The following HIKESHI variants were observed in gnomAD, a reference collection of about 807,000 sequenced individuals.
The protein encoded by HIKESHI is protein Hikeshi.
A neutral mutation model predicts 25.7 loss-of-function variants in HIKESHI; 13 were observed. The ratio of observed to expected loss-of-function variants is 0.51; its 90% CI spans 0.33 to 0.80. HIKESHI has a LOEUF of 0.80. Ranked by LOEUF, HIKESHI falls within the 30% of genes least tolerant of loss-of-function variation. The pLI is 0.02. For missense variants in HIKESHI, 174 were observed against 229.5 expected (o/e 0.76, Z 1.56); for synonymous variants, 76 against 78.7 (o/e 0.97, Z 0.18).
intron 2 of HIKESHI, among the ~76,000 whole-genome samples, chr11:86,318,148 C>CA (rs1947038192): frequency 6.6e-6 from 1 of 150,648 alleles, no homozygotes; most frequent in African/African-American, 2.4e-5. Flanking sequence ...ACTAAAAATA[C>CA]AAAAAAATAG....
intron 1 of HIKESHI, 114 bp downstream of exon 1, chr11:86,302,592 T>C (rs930310093): frequency 7.9e-7 from 1 of 1,258,636 alleles, no homozygotes; most frequent in Non-Finnish European, 1.1e-6. Context: ...TATTATATTT[T>C]GGGTGGGTAT....
intron 2 of HIKESHI, among the ~76,000 whole-genome samples, chr11:86,319,587 A>G (rs949212054): frequency 6.6e-6 from 1 of 150,696 alleles, no homozygotes; most frequent in African/African-American, 2.4e-5. Context: ...CAAATTGAAT[A>G]TCTGTAATCA....
intron 2 of HIKESHI, chr11:86,324,337 T>G (rs1315166251): frequency 2.6e-5 from 4 of 152,202 alleles, no homozygotes; most frequent in Non-Finnish European, 5.9e-5. Flanking sequence ...AATAAATTGT[T>G]TTTCATCATT....
At chr11:86,316,474 G>A (rs1593826912) in intron 2 of HIKESHI, among the ~76,000 whole-genome samples, 3 of 151,898 alleles carry the variant, frequency 2.0e-5, no homozygotes, top group African/African-American at 4.8e-5. Context: ...ACCCCACCAC[G>A]GCACTCCAGC....
chr11:86,325,839 T>G (rs2444025), intron 2 of HIKESHI, among the ~76,000 whole-genome samples: 87,031 of 151,014 alleles, frequency 0.58, 25,608 homozygotes, highest in East Asian at 0.79. Context: ...ACCACTGCAC[T>G]CCAGCCTGGG....
intron 2 of HIKESHI, among the ~76,000 whole-genome samples, chr11:86,308,785 G>T (rs1946754742): frequency 1.3e-5 from 2 of 151,812 alleles, no homozygotes; most frequent in African/African-American, 4.8e-5. Flanking sequence ...TGTTCTCATT[G>T]TTCAATTCCC....
intron 3 of HIKESHI, chr11:86,343,616 A>G (rs919471148): frequency 2.0e-5 from 3 of 152,192 alleles, no homozygotes; most frequent in Non-Finnish European, 4.4e-5. Flanking sequence ...GCCTGGGTGA[A>G]AGAGTGGGAC....
At chr11:86,312,817 A>G (rs887901725) in intron 2 of HIKESHI, among the ~76,000 whole-genome samples, 1 of 152,120 alleles carries the variant, frequency 6.6e-6, no homozygotes, top group African/African-American at 2.4e-5. Context: ...TCACTTATGA[A>G]GCTTAGTTTG....
intron 2 of HIKESHI, among the ~76,000 whole-genome samples, chr11:86,316,635 T>C (rs1946986140): frequency 6.6e-6 from 1 of 152,160 alleles, no homozygotes; most frequent in African/African-American, 2.4e-5. Context: ...TAAATCAGTT[T>C]ATATAAGTGT....
chr11:86,332,163 A>G (rs986137987), intron 2 of HIKESHI, among the ~76,000 whole-genome samples: 5 of 151,714 alleles, frequency 3.3e-5, no homozygotes, highest in African/African-American at 1.2e-4. Flanking sequence ...ACGGGGTTTC[A>G]CAGTGTTAGC....
intron 3 of HIKESHI, among the ~76,000 whole-genome samples, chr11:86,339,183 C>G (rs1947651587): frequency 6.6e-6 from 1 of 151,432 alleles, no homozygotes; most frequent in Admixed American, 6.6e-5. Flanking sequence ...GTAGCTGGGA[C>G]TACACGTGCC....
rs202003795 is a variant in HIKESHI, at chr11:86,306,374, G to C, written c.160G>C (p.Val54Leu). The change falls in exon 2 of 5, where the codon GTC becomes CTC. Residue 54 changes from valine (V) to leucine (L), a missense_variant. Transcript: ENST00000278483. ...ATTTCCTGAGGGAATGGGAGGATCT[G>C]TCTACTTTTCTTATCCTGATTCAAA... Reference protein sequence around the residue: ...IPFPEGMGGSVYFSYPDSNGM... With the variant: ...IPFPEGMGGSLYFSYPDSNGM... The C allele has an allele frequency of 8.9e-5, 144 of 1,613,666 alleles. 1 individual carries two copies. The highest frequency in any genetic ancestry group is 3.6e-5 in the Non-Finnish European group (43 of 1,179,700).
At chr11:86,310,893 T>C (rs904481672) in intron 2 of HIKESHI, among the ~76,000 whole-genome samples, 1 of 152,202 alleles carries the variant, frequency 6.6e-6, no homozygotes, top group African/African-American at 2.4e-5. Flanking sequence ...GAACCAGCCT[T>C]GCATCCCAGG....
At chr11:86,310,873 T>G (rs929581015) in intron 2 of HIKESHI, among the ~76,000 whole-genome samples, 1 of 152,366 alleles carries the variant, frequency 6.6e-6, no homozygotes, top group East Asian at 1.9e-4. Context: ...TTTATTGATT[T>G]GTGTATGTTG....
chr11:86,334,188 A>T (rs1947487381), intron 2 of HIKESHI, among the ~76,000 whole-genome samples: 2 of 151,790 alleles, frequency 1.3e-5, no homozygotes, highest in Admixed American at 1.3e-4. Context: ...AATCTAATAA[A>T]GTTGTTTTCC....
At chr11:86,316,442 G>A (rs1946980390) in intron 2 of HIKESHI, among the ~76,000 whole-genome samples, 1 of 152,110 alleles carries the variant, frequency 6.6e-6, no homozygotes, top group East Asian at 1.9e-4. Flanking sequence ...AACTCGGGAG[G>A]TGGAGGTTGC....
chr11:86,318,895 G>T (rs1565728887), intron 2 of HIKESHI, among the ~76,000 whole-genome samples: 1 of 152,076 alleles, frequency 6.6e-6, no homozygotes, highest in Admixed American at 6.6e-5. Flanking sequence ...CTGTAATACT[G>T]TTATCACATC....
intron 2 of HIKESHI, among the ~76,000 whole-genome samples, chr11:86,329,236 C>T (rs1183030526): frequency 6.6e-6 from 1 of 150,796 alleles, no homozygotes; most frequent in Non-Finnish European, 1.5e-5. Context: ...GATTAGTCCA[C>T]CCACTTTTTT....
At chr11:86,338,415 A>T (rs1422582751) in intron 3 of HIKESHI, among the ~76,000 whole-genome samples, 1 of 152,226 alleles carries the variant, frequency 6.6e-6, no homozygotes, top group Non-Finnish European at 1.5e-5. Flanking sequence ...TTTAGACAGG[A>T]TAATGGATAT....
Sources: allele counts gnomAD v4.1 joint callset (sites outside exome capture counted in the v4.1 genomes callset), GRCh38; gene constraint gnomAD v4.1.1; transcripts MANE v1.5; gene names NCBI Gene and HGNC (gene_info 2026-07-23, HGNC 2026-07-21).